Variants in PLA2G4E observed in about 807,000 individuals in gnomAD.
PLA2G4E encodes the protein cytosolic phospholipase A2 epsilon.
Under a neutral mutation model 109.1 loss-of-function variants are expected in PLA2G4E, and 84 were observed. The observed-to-expected ratio is 0.77, with a 90% confidence interval of 0.65 to 0.92. The LOEUF (loss-of-function observed/expected upper bound fraction) is 0.92. Among genes scored for constraint, PLA2G4E ranks in the 40% least tolerant of loss-of-function variants. The probability of loss-of-function intolerance (pLI) is 0.00; values close to 1 mark genes in which losing one functional copy is unlikely to be tolerated. For missense variants in PLA2G4E, 1,057 were observed against 1,076.6 expected (o/e 0.98, Z 0.25); for synonymous variants, 469 against 436.1 (o/e 1.08, Z -0.94).
At chr15:41,986,976 C>G in intron 17 of PLA2G4E, 196 bp downstream of exon 17, 1 of 613,568 alleles carries the variant, frequency 1.6e-6, no homozygotes, top group East Asian at 2.8e-5. Context: ...AGTACCCACA[C>G]CACTCCCTGC....
chr15:41,984,071 C>T (rs182718851), intron 19 of PLA2G4E, 97 bp from the exon 20 acceptor site: 87 of 1,055,396 alleles, frequency 8.2e-5, no homozygotes, highest in Admixed American at 3.7e-4. Context: ...CCTGCACTCA[C>T]GGACACACAC....
chr15:41,992,834 T>C (rs1470938303), exon 13 of PLA2G4E: 2 of 1,613,878 alleles, frequency 1.2e-6, no homozygotes, highest in African/African-American at 2.7e-5. Flanking sequence ...CTCCTGGAAT[T>C]TGCGGAGCTG....
rs764512352 is a variant in PLA2G4E, at chr15:41,990,254, G to A, written c.1471-19C>T. ...CATTTCTCTGTGGGGAAACAAAATG[G>A]TTAAAGAGAAGCAGCAGCCCAGAGG... On this transcript the variant is annotated intron_variant, in intron 13 of 19. Transcript: ENST00000399518. The A allele has an allele frequency of 2.5e-6, 4 of 1,608,812 alleles. No individual in the cohort carries two copies. Among genetic ancestry groups the A allele is most frequent in the Admixed American group, 3.3e-5 (2 of 59,972 alleles).
At position 42,013,542 on chromosome 15, in the gene PLA2G4E, A is replaced by G. The variant is rs566978013; in HGVS notation, c.256+143T>C. ...AACACACATTCGTGCACATACATGC[A>G]CACACATACACGTATACACCATGCA... On this transcript the variant is annotated intron_variant, in intron 2 of 19. Coordinates refer to ENST00000399518, the Ensembl canonical transcript of PLA2G4E. The G allele has an allele frequency of 1.3e-4, 90 of 717,748 alleles. No individual in the cohort carries two copies. The African/African-American group carries it at 1.4e-3, about 11-fold the overall frequency. 44.5% of individuals were successfully genotyped at this position (717,748 alleles called of 1,614,324 possible).
intron 2 of PLA2G4E, among the ~76,000 whole-genome samples, chr15:42,012,410 T>A (rs935647741): frequency 6.6e-6 from 1 of 152,332 alleles, no homozygotes; most frequent in South Asian, 2.1e-4. Flanking sequence ...TACTTCCCTC[T>A]TAGGCAATCA....
At chr15:42,006,236 G>A (rs2068475804) in intron 3 of PLA2G4E, 115 bp from the exon 4 acceptor site, 2 of 1,326,298 alleles carry the variant, frequency 1.5e-6, no homozygotes, top group African/African-American at 2.9e-5. Flanking sequence ...ATGGGAGACA[G>A]CCCAGAAGTC....
chr15:42,040,244 C>G (rs548596615), intron 1 of PLA2G4E, among the ~76,000 whole-genome samples: 1 of 152,068 alleles, frequency 6.6e-6, no homozygotes, highest in African/African-American at 2.4e-5. Flanking sequence ...GTATTTAAGG[C>G]CTAGAGCATC....
chr15:42,010,142 C>CCCCGCCG, intron 2 of PLA2G4E: 1 of 454,256 alleles, frequency 2.2e-6, no homozygotes, highest in Non-Finnish European at 4.4e-6. Context: ...GCCCCCCCAC[C>CCCCGCCG]CCGGGCCTGG....
intron 5 of PLA2G4E, among the ~76,000 whole-genome samples, chr15:42,003,406 A>G (rs1704361): frequency 0.64 from 97,330 of 152,170 alleles, 33,165 homozygotes; most frequent in Non-Finnish European, 0.78. Flanking sequence ...TGACAGGTGC[A>G]TGCTGCCATG....
At chr15:42,001,012 G>A (rs920465026) in intron 7 of PLA2G4E, 145 bp downstream of exon 7, 115 of 769,596 alleles carry the variant, frequency 1.5e-4, no homozygotes, top group African/African-American at 9.1e-4. Context: ...ACCCCTGGGG[G>A]TGAGATGATT....
chr15:42,000,391 C>A, intron 7 of PLA2G4E, 109 bp from the exon 8 acceptor site: 1 of 1,037,186 alleles, frequency 9.6e-7, no homozygotes, highest in Non-Finnish European at 1.4e-6. Flanking sequence ...TTTAGAATCA[C>A]CTGGGGCACC....
intron 1 of PLA2G4E, among the ~76,000 whole-genome samples, chr15:42,041,147 T>C (rs1473674711): frequency 1.3e-5 from 2 of 152,206 alleles, no homozygotes; most frequent in Middle Eastern, 6.3e-3. Flanking sequence ...AACCTTGCAC[T>C]GCCTTTGACT....
chr15:41,985,297 C>T (rs1441580449), intron 18 of PLA2G4E, among the ~76,000 whole-genome samples: 1 of 152,198 alleles, frequency 6.6e-6, no homozygotes, highest in Non-Finnish European at 1.5e-5. Context: ...GGTCTGTGTA[C>T]ACTTCACTTC....
chr15:42,034,945 A>T (rs1566850291), intron 1 of PLA2G4E, among the ~76,000 whole-genome samples: 1 of 152,206 alleles, frequency 6.6e-6, no homozygotes, highest in Non-Finnish European at 1.5e-5. Flanking sequence ...GCCTGAACAG[A>T]ACTCCACACA....
At chr15:42,019,366 G>C (rs1203340873) in intron 1 of PLA2G4E, among the ~76,000 whole-genome samples, 1 of 152,234 alleles carries the variant, frequency 6.6e-6, no homozygotes, top group Non-Finnish European at 1.5e-5. Context: ...TGGGAGTGGG[G>C]TCTGGGGAAG....
At chr15:42,045,243 A>T (rs1479111880) in intron 1 of PLA2G4E, among the ~76,000 whole-genome samples, 2 of 152,130 alleles carry the variant, frequency 1.3e-5, no homozygotes, top group Admixed American at 1.3e-4. Context: ...AACTGGGGAA[A>T]GAAGTAGGAA....
intron 11 of PLA2G4E, among the ~76,000 whole-genome samples, chr15:41,996,831 G>A (rs2068349927): frequency 6.6e-6 from 1 of 152,220 alleles, no homozygotes; most frequent in Admixed American, 6.5e-5. Context: ...TGGCTGGGGT[G>A]AGGAGGGCAT....
exon 8 of PLA2G4E, chr15:42,000,211 A>G (rs1280117339): frequency 6.3e-7 from 1 of 1,590,148 alleles, no homozygotes; most frequent in South Asian, 1.1e-5. Context: ...GTTGGGCAGC[A>G]GGGTTCCAAG....
chr15:42,002,264 C>CAAAAAAGAAAAAAAAAAA (rs2068428700), intron 6 of PLA2G4E, among the ~76,000 whole-genome samples: 1 of 73,234 alleles, frequency 1.4e-5, no homozygotes, highest in African/African-American at 6.2e-5. Flanking sequence ...GACCTTGTCT[C>CAAAAAAGAAAAAAAAAAA]AAAAAAAAAA....
Sources: allele counts gnomAD v4.1 joint callset (sites outside exome capture counted in the v4.1 genomes callset), GRCh38; gene constraint gnomAD v4.1.1; transcripts MANE v1.5; gene names NCBI Gene and HGNC (gene_info 2026-07-23, HGNC 2026-07-21).